HCFC2: variants seen among roughly 807,000 people sequenced by gnomAD.
HCFC2 encodes host cell factor C2.
A neutral mutation model predicts 89.2 loss-of-function variants in HCFC2; 18 were observed. The observed-to-expected ratio is 0.20, with a 90% CI of 0.14 to 0.30. The LOEUF (loss-of-function observed/expected upper bound fraction) is 0.30. Ranked by LOEUF, HCFC2 falls within the 10% of genes least tolerant of loss-of-function variation. The pLI is 1.00. For synonymous variants in HCFC2, 308 were observed against 335.7 expected (o/e 0.92, Z 0.90); for missense variants, 578 against 956.1 (o/e 0.60, Z 5.21).
chr12:104,100,526 T>C (rs1017104252), intron 13 of HCFC2, among the ~76,000 whole-genome samples: 2 of 152,018 alleles, frequency 1.3e-5, no homozygotes, highest in African/African-American at 4.8e-5. Flanking sequence ...GTGAGCCATG[T>C]TCAGGCCACT....
intron 3 of HCFC2, among the ~76,000 whole-genome samples, chr12:104,074,699 A>G (rs1883441272): frequency 6.6e-6 from 1 of 152,136 alleles, no homozygotes; most frequent in South Asian, 2.1e-4. Flanking sequence ...TCACATTTCT[A>G]ACATTTATTT....
chr12:104,103,517 A>C lies in HCFC2; in HGVS notation c.*244A>C. ...ATATAGCTCTTTTATAAAGAAAAACAGTGAAATTAAGATAAAAGCTAGAAA... is the reference window on the plus strand; with the variant it reads ...ATATAGCTCTTTTATAAAGAAAAACCGTGAAATTAAGATAAAAGCTAGAAA... On this transcript the variant is annotated 3_prime_UTR_variant, in exon 15 of 15. Transcript: ENST00000229330. 2.3e-6 allele frequency: 1 copy of C among 435,954 alleles called. No individual in the cohort carries two copies. The highest frequency in any genetic ancestry group is 3.4e-5 in the South Asian group (1 of 29,030). The allele number at this position is 435,954 out of a possible 1,614,324, so 27.0% of individuals were successfully genotyped here.
At chr12:104,093,642 G>A in intron 10 of HCFC2, 79 bp downstream of exon 10, 1 of 1,283,700 alleles carries the variant, frequency 7.8e-7, no homozygotes, top group African/African-American at 1.5e-5. Context: ...AGTAAATGTT[G>A]TACAGTTTTG....
chr12:104,075,875 C>T lies in HCFC2; in HGVS notation c.474-3570C>T, dbSNP rs144140653. ...TGTGATTATATCTTTGGCCGTATGCCGTAGGGTTTGATACATACTGCTTTT... is the reference window on the plus strand; with the variant it reads ...TGTGATTATATCTTTGGCCGTATGCTGTAGGGTTTGATACATACTGCTTTT... On this transcript the variant is annotated intron_variant, in intron 3 of 14. Coordinates refer to ENST00000229330, the MANE Select transcript of HCFC2 (RefSeq NM_013320.3). Among the ~76,000 whole-genome samples the T allele has an allele frequency of 5.9e-5, 9 of 152,026 alleles. No homozygotes were observed. In the East Asian group the frequency reaches 1.4e-3, roughly 23 times the overall value.
At position 104,080,839 on chromosome 12, in the gene HCFC2, G is replaced by GT. The variant is rs749330176; in HGVS notation, c.767+15dup. ...AGTGTTATAGGAAACAAGTATGGTG[G>GT]TTTTTTGTATTTTGCTTCTGTTTTT... On this transcript the variant is annotated intron_variant, in intron 5 of 14. Transcript: ENST00000229330. The GT allele has an allele frequency of 1.3e-5, 21 of 1,567,910 alleles. No homozygotes were observed. The South Asian group carries it at 2.5e-4, about 18-fold the overall frequency.
intron 3 of HCFC2, among the ~76,000 whole-genome samples, chr12:104,073,581 A>C (rs1883406083): frequency 6.6e-6 from 1 of 152,198 alleles, no homozygotes; most frequent in Non-Finnish European, 1.5e-5. Flanking sequence ...GGAAAATTAT[A>C]AAAATAAATT....
Position 104,103,057 on chromosome 12 carries a change from A to G in HCFC2, c.2163A>G (p.Ile721Met), listed in dbSNP as rs1381412283. The G allele has an allele frequency of 1.2e-6, 2 of 1,614,040 alleles. No individual in the cohort carries two copies. The highest frequency in any genetic ancestry group is 1.7e-5 in the Admixed American group (1 of 60,008). ...SAYLAIRTAQ[I>M]QDNPSQLVFM... ...ACTTGGCTATCCGCACAGCACAGAT[A>G]CAAGATAATCCAAGTCAACTTGTGT... Residue 721 changes from isoleucine (I) to methionine (M), a missense_variant, in exon 15 of 15, where the codon ATA becomes ATG. Coordinates refer to ENST00000229330, the MANE Select transcript of HCFC2 (RefSeq NM_013320.3).
At chr12:104,101,717 C>T (rs1311373388) in intron 13 of HCFC2, among the ~76,000 whole-genome samples, 1 of 152,098 alleles carries the variant, frequency 6.6e-6, no homozygotes, top group African/African-American at 2.4e-5. Flanking sequence ...TTACATTTCT[C>T]TGTGTAATCA....
chr12:104,099,904 A>G (rs2029883157), intron 13 of HCFC2, among the ~76,000 whole-genome samples: 1 of 152,092 alleles, frequency 6.6e-6, no homozygotes, highest in African/African-American at 2.4e-5. Context: ...TGATCCTTCC[A>G]TCCCGGCTTC....
At position 104,064,582 on chromosome 12, in the gene HCFC2, A is replaced by G. The variant is rs1273761483; in HGVS notation, c.22A>G (p.Asn8Asp). MAAPSLL[N>D]WRRVSSFTGP... ...GAAGATGGCGGCTCCCAGCCTCCTC[A>G]ACTGGAGGCGAGTTTCTTCCTTCAC... The change falls in exon 1 of 15, where the codon AAC (asparagine) becomes GAC (aspartate). Residue 8 changes from asparagine to aspartate, a missense_variant. Coordinates refer to ENST00000229330, the MANE Select transcript of HCFC2 (RefSeq NM_013320.3). This position sits in a 1 kb window ranked among gnomAD's most constrained non-coding sequence, Gnocchi z 7.3. 1 of 1,559,700 alleles carries G rather than the reference A, an allele frequency of 6.4e-7. No individual in the cohort carries two copies. Among genetic ancestry groups the G allele is most frequent in the African/African-American group, 1.4e-5 (1 of 71,118 alleles).
Position 104,079,576 on chromosome 12 carries a change from A to G in HCFC2, c.605A>G (p.Asp202Gly). 2.5e-6 allele frequency: 4 copies of G among 1,614,138 alleles called. No individual in the cohort carries two copies. Among genetic ancestry groups the G allele is most frequent in the Non-Finnish European group, 2.5e-6 (3 of 1,180,006 alleles). The change falls in exon 4 of 15, where the codon GAT (aspartate) becomes GGT (glycine). Residue 202 changes from aspartate (D) to glycine (G), a missense_variant. Around this residue, in one of 4 missense-constraint regions of HCFC2, gnomAD observed 206 missense variants for 419.2 expected, o/e 0.49. Transcript: ENST00000229330. ...SHTAVIYCKK[D>G]SGSPKMYVFG... ...ACAGCTGTTATATATTGCAAAAAAG[A>G]TTCTGGAAGTCCTAAAATGTATGTT...
At chr12:104,087,624 A>T (rs1233251365) in intron 8 of HCFC2, among the ~76,000 whole-genome samples, 1 of 151,814 alleles carries the variant, frequency 6.6e-6, no homozygotes, top group African/African-American at 2.4e-5. Flanking sequence ...TACCATTATG[A>T]TGTAGTAGAA....
chr12:104,102,177 T>C (rs1027169506), intron 14 of HCFC2, 24 bp downstream of exon 14: 2 of 1,587,934 alleles, frequency 1.3e-6, no homozygotes, highest in Non-Finnish European at 8.6e-7. Context: ...TCAAGACTTG[T>C]TGGTGATTTT....
At chr12:104,085,686 A>G (rs1044705002) in intron 7 of HCFC2, among the ~76,000 whole-genome samples, 1 of 150,768 alleles carries the variant, frequency 6.6e-6, no homozygotes, top group Non-Finnish European at 1.5e-5. Flanking sequence ...TTGGTGGAAG[A>G]GGGGGCTCAT....
Position 104,081,350 on chromosome 12 carries a change from T to C in HCFC2, c.767+520T>C, listed in dbSNP as rs900223208. 1.8e-4 allele frequency among the ~76,000 whole-genome samples: 28 copies of C among 152,206 alleles called. 1 individual carries two copies. Among genetic ancestry groups the C allele is most frequent in the Admixed American group, 1.8e-3 (28 of 15,272 alleles). Reference sequence around the variant, plus strand: ...ATACAATGTGGATTAAAGTAAAACTTACTTGACAAGGCTGTAATGAAGACT... The same window carrying C: ...ATACAATGTGGATTAAAGTAAAACTCACTTGACAAGGCTGTAATGAAGACT... On this transcript the variant is annotated intron_variant, in intron 5 of 14. Transcript: ENST00000229330.
In HCFC2 at chr12:104,101,952, A is replaced by G. The variant is rs748596767; in HGVS notation, c.1879-16A>G. 11 of 1,541,440 alleles carry G rather than the reference A, an allele frequency of 7.1e-6. No homozygotes were observed. The South Asian group carries it at 1.4e-4, about 20-fold the overall frequency. On this transcript the variant is annotated splice_polypyrimidine_tract_variant and intron_variant, in intron 13 of 14. Transcript: ENST00000229330. ...GTTGTACCTTTTCTTTGACTTTTGCATATACTACATTTTAGGTAGGAAATG... is the reference window on the plus strand; with the variant it reads ...GTTGTACCTTTTCTTTGACTTTTGCGTATACTACATTTTAGGTAGGAAATG...
intron 9 of HCFC2, among the ~76,000 whole-genome samples, chr12:104,089,207 C>T (rs890305617): frequency 6.6e-5 from 10 of 152,136 alleles, no homozygotes; most frequent in East Asian, 3.8e-4. Context: ...GGAGGACCAA[C>T]TGTATTTATT....
intron 13 of HCFC2, among the ~76,000 whole-genome samples, chr12:104,100,010 GT>G (rs1359836510): frequency 2.0e-5 from 3 of 152,104 alleles, no homozygotes; most frequent in African/African-American, 7.2e-5. Context: ...ACAAATAAGA[GT>G]TTTTTGAAAT....
At chr12:104,100,531 G>C (rs2029905894) in intron 13 of HCFC2, among the ~76,000 whole-genome samples, 1 of 151,920 alleles carries the variant, frequency 6.6e-6, no homozygotes, top group Non-Finnish European at 1.5e-5. Flanking sequence ...CCATGTTCAG[G>C]CCACTGCACT....
Sources: allele counts gnomAD v4.1 joint callset (sites outside exome capture counted in the v4.1 genomes callset), GRCh38; gene constraint gnomAD v4.1.1; regional missense constraint gnomAD v4.1.1; non-coding constraint Gnocchi (gnomAD v3.1); transcripts MANE v1.5; gene names NCBI Gene and HGNC (gene_info 2026-07-23, HGNC 2026-07-21).